RPGRIP1: variants seen among roughly 807,000 people sequenced by gnomAD.
RPGRIP1 encodes the protein X-linked retinitis pigmentosa GTPase regulator-interacting protein 1.
In RPGRIP1, 128 loss-of-function variants were observed where a neutral mutation model predicts 157.9. The ratio of observed to expected loss-of-function variants is 0.81; its 90% CI spans 0.70 to 0.94. RPGRIP1 has a LOEUF of 0.94. RPGRIP1 is among the 40% of genes least tolerant of loss of function. The pLI, the probability that RPGRIP1 is intolerant of heterozygous loss-of-function variation, is 0.00. For synonymous variants in RPGRIP1, 554 were observed against 571.6 expected (o/e 0.97, Z 0.44); for missense variants, 1,486 against 1,545.8 (o/e 0.96, Z 0.65).
rs1441910136 is a variant in RPGRIP1, at chr14:21,294,741, C to T, written c.150C>T (p.Phe50=). 6.2e-7 allele frequency: 1 copy of T among 1,605,768 alleles called. No individual in the cohort carries two copies. Residue 50 remains phenylalanine, a synonymous_variant, in exon 3 of 25, where the codon TTC becomes TTT. Transcript: ENST00000400017. The stretch of plus-strand genomic sequence containing the variant: ...ACCGGGAGGAATTGGAGGACAGTTT[C>T]TTTCGACTTCGCGAAGATCACATGT... ...RMNREELEDS[F]FRLREDHMLV...
intron 1 of RPGRIP1, among the ~76,000 whole-genome samples, chr14:21,282,605 ATTTT>A (rs35939351): frequency 2.9e-5 from 3 of 103,226 alleles, no homozygotes; most frequent in African/African-American, 3.9e-5. Context: ...TCTACATTCC[ATTTT>A]TTTTTTTTTT....
intron 1 of RPGRIP1, among the ~76,000 whole-genome samples, chr14:21,281,785 T>C (rs898027577): frequency 6.6e-6 from 1 of 150,758 alleles, no homozygotes; most frequent in African/African-American, 2.4e-5. Context: ...TGCCCAGTGA[T>C]ACAGAGTGTA....
chr14:21,282,095 G>A (rs867412770), intron 1 of RPGRIP1, among the ~76,000 whole-genome samples: 1 of 151,848 alleles, frequency 6.6e-6, no homozygotes, highest in Non-Finnish European at 1.5e-5. Context: ...ACTCTGTCTC[G>A]AAAAAAGAGG....
At chr14:21,312,782 G>C (rs980912305) in intron 10 of RPGRIP1, among the ~76,000 whole-genome samples, 1 of 151,000 alleles carries the variant, frequency 6.6e-6, no homozygotes. Context: ...TCTACCTCCC[G>C]GGTTCAAACG....
intron 21 of RPGRIP1, among the ~76,000 whole-genome samples, chr14:21,335,890 G>GTC (rs1176514199): frequency 8.5e-5 from 13 of 152,352 alleles, no homozygotes; most frequent in African/African-American, 3.1e-4. Flanking sequence ...GGTTACACAT[G>GTC]AGGTAGAAAA....
chr14:21,281,795 A>G (rs1594366553), intron 1 of RPGRIP1, among the ~76,000 whole-genome samples: 2 of 151,260 alleles, frequency 1.3e-5, no homozygotes, highest in Middle Eastern at 6.8e-3. Flanking sequence ...TACAGAGTGT[A>G]AAAAAGAAAA....
intron 14 of RPGRIP1, among the ~76,000 whole-genome samples, chr14:21,322,262 A>G (rs540904000): frequency 1.9e-4 from 29 of 152,104 alleles, no homozygotes; most frequent in South Asian, 4.2e-4. Context: ...GGTTCAAGCG[A>G]TTCTCCTGCC....
intron 23 of RPGRIP1, among the ~76,000 whole-genome samples, chr14:21,345,922 C>T (rs972256305): frequency 9.9e-5 from 15 of 151,908 alleles, no homozygotes; most frequent in Non-Finnish European, 2.2e-4. Context: ...TGGGTTCAAG[C>T]GATTCTTCTG....
At chr14:21,310,502 A>C (rs1312017713) in intron 7 of RPGRIP1, 82 bp from the exon 8 acceptor site, 1 of 696,232 alleles carries the variant, frequency 1.4e-6, no homozygotes, top group East Asian at 3.2e-5. Context: ...ATGTCTTTAA[A>C]AATGTTAAGC....
intron 3 of RPGRIP1, among the ~76,000 whole-genome samples, chr14:21,295,928 G>A (rs1311035781): frequency 3.3e-5 from 5 of 150,440 alleles, no homozygotes; most frequent in South Asian, 2.1e-4. Context: ...GCACCACCAC[G>A]TCAGAGTAAT....
At chr14:21,291,970 C>T (rs983158298) in intron 2 of RPGRIP1, among the ~76,000 whole-genome samples, 9 of 152,076 alleles carry the variant, frequency 5.9e-5, no homozygotes, top group African/African-American at 1.7e-4. Flanking sequence ...ATGTTGGTCA[C>T]GCTGGTCTCA....
chr14:21,302,284 A>G (rs1236905394), intron 4 of RPGRIP1, among the ~76,000 whole-genome samples: 2 of 151,794 alleles, frequency 1.3e-5, no homozygotes, highest in Non-Finnish European at 2.9e-5. Context: ...GTACTTACTC[A>G]CTTGAGGATC....
At chr14:21,338,120 G>T (rs950960053) in intron 21 of RPGRIP1, among the ~76,000 whole-genome samples, 1 of 152,092 alleles carries the variant, frequency 6.6e-6, no homozygotes, top group Non-Finnish European at 1.5e-5. Flanking sequence ...GTTTCACCGT[G>T]TTAGCCAGGA....
rs544661721 is a variant in RPGRIP1 at position 21,308,723 on chromosome 14, AG to A, written c.906+888del. Among the ~76,000 whole-genome samples the A allele has an allele frequency of 4.7e-3, 720 of 152,338 alleles. 5 individuals are homozygous for A. The highest frequency in any genetic ancestry group is 0.016 in the African/African-American group (683 of 41,580). ...GGAAGAAGCTCCCCTGTACTGAGAC[AG>A]AGGGAGAAGGACTCCAAAGCAGAGA... On this transcript the variant is annotated intron_variant, in intron 7 of 24. Coordinates refer to ENST00000400017, the MANE Select transcript of RPGRIP1 (RefSeq NM_020366.4).
intron 3 of RPGRIP1, among the ~76,000 whole-genome samples, chr14:21,297,834 A>ATTCCTTCT (rs1880849229): frequency 7.5e-6 from 1 of 133,216 alleles, no homozygotes; most frequent in African/African-American, 3.1e-5. Flanking sequence ...TCAATAAATT[A>ATTCCTTCT]TTCTTTCTTT....
Position 21,325,461 on chromosome 14 carries a change from C to A in RPGRIP1, c.2367+78C>A, listed in dbSNP as rs768609931. 1.2e-5 allele frequency: 16 copies of A among 1,319,954 alleles called. No homozygotes were observed. The South Asian group carries it at 1.9e-4, about 16-fold the overall frequency. The allele number at this position is 1,319,954 out of a possible 1,614,324, so 81.8% of individuals were successfully genotyped here. A position where few individuals can be genotyped will look rare whatever the true frequency, so the allele number is the denominator to read the frequency against. On this transcript the variant is annotated intron_variant, in intron 16 of 24. Transcript: ENST00000400017. ...CATGAGCACAGTTCAGTCTTCCACT[C>A]TCAATAAGTGTTTGTTGAATGTGAA...
intron 6 of RPGRIP1, among the ~76,000 whole-genome samples, chr14:21,306,256 C>T (rs926873851): frequency 7.4e-5 from 11 of 148,874 alleles, no homozygotes; most frequent in Non-Finnish European, 1.0e-4. Context: ...CCTCAGCCTC[C>T]TGAGTAGCTG....
Position 21,343,203 on chromosome 14 carries a change from A to G in RPGRIP1, c.3507A>G (p.Glu1169=). The change falls in exon 22 of 25, where the codon GAA becomes GAG. Residue 1169 remains glutamate (E), a synonymous_variant. Coordinates refer to ENST00000400017, the MANE Select transcript of RPGRIP1 (RefSeq NM_020366.4). ...CCCTAAGGAAGCCTAGGGCAGGAGA[A>G]GAAATCCACTTTCACTTTAGCAAGG... is the stretch of plus-strand genomic sequence containing the variant. ...PVSLRKPRAG[E]EIHFHFSKVI... 1 of 1,612,762 alleles carries G rather than the reference A, an allele frequency of 6.2e-7. No individual in the cohort carries two copies. Among genetic ancestry groups the G allele is most frequent in the Non-Finnish European group, 8.5e-7 (1 of 1,179,414 alleles).
At chr14:21,285,605 CAA>C (rs397852011) in intron 1 of RPGRIP1, among the ~76,000 whole-genome samples, 5 of 129,522 alleles carry the variant, frequency 3.9e-5, no homozygotes, top group Non-Finnish European at 3.2e-5. Context: ...ACTCCATCTC[CAA>C]AAAAAAAAAA....
Sources: gnomAD v4.1 joint callset for allele counts (sites outside exome capture counted in the v4.1 genomes callset) on GRCh38, gnomAD v4.1.1 for gene constraint, MANE v1.5 for transcripts, NCBI Gene and HGNC (gene_info 2026-07-23, HGNC 2026-07-21) for gene names.